Variants in SPMAP1 observed in about 807,000 individuals in gnomAD.
SPMAP1 encodes sperm microtubule associated protein 1, also known as uncharacterized protein C17orf98.
the SPMAP1 span, among the ~76,000 whole-genome samples, chr17:38,837,690 A>G: frequency 6.6e-6 from 1 of 151,692 alleles, no homozygotes; most frequent in African/African-American, 2.4e-5. Flanking sequence ...AAAAAAAAAA[A>G]AAGAAAAAAA....
the SPMAP1 span, among the ~76,000 whole-genome samples, chr17:38,838,107 T>C: frequency 0.02 from 2,991 of 152,108 alleles, 99 homozygotes; most frequent in African/African-American, 0.068. Flanking sequence ...GGTCTCAAAC[T>C]CTTGAACTCA....
chr17:38,839,976 C>T, the SPMAP1 span, among the ~76,000 whole-genome samples: 6 of 152,258 alleles, frequency 3.9e-5, no homozygotes, highest in East Asian at 1.2e-3. Flanking sequence ...TTCCCCACAC[C>T]GCTTATACGT....
At chr17:38,839,136 T>C in the SPMAP1 span, among the ~76,000 whole-genome samples, 21 of 147,270 alleles carry the variant, frequency 1.4e-4, no homozygotes, top group African/African-American at 5.0e-4. Flanking sequence ...TCAAAATATG[T>C]ATACCCTATC....
the SPMAP1 span, chr17:38,835,102 T>C: frequency 2.8e-6 from 4 of 1,435,762 alleles, no homozygotes; most frequent in Non-Finnish European, 3.9e-6. Context: ...CACAAATTAA[T>C]TTTTTTAACG....
the SPMAP1 span, chr17:38,837,343 G>A: frequency 1.3e-6 from 1 of 792,286 alleles, no homozygotes; most frequent in Non-Finnish European, 2.3e-6. Context: ...ATAGGGAAGA[G>A]GTCAGAGCCT....
the SPMAP1 span, chr17:38,835,103 T>C: frequency 6.9e-7 from 1 of 1,448,190 alleles, no homozygotes; most frequent in Non-Finnish European, 9.6e-7. Context: ...ACAAATTAAT[T>C]TTTTTAACGT....
chr17:38,841,124 G>A, the SPMAP1 span: 2 of 1,339,980 alleles, frequency 1.5e-6, no homozygotes, highest in Non-Finnish European at 1.0e-6. Context: ...TCTTTGTGGT[G>A]AGAACGCTGG....
chr17:38,840,461 C>T, the SPMAP1 span, among the ~76,000 whole-genome samples: 2 of 151,896 alleles, frequency 1.3e-5, no homozygotes, highest in Admixed American at 1.3e-4. Flanking sequence ...GCTGGAAGGC[C>T]ATTCTGTGAG....
At chr17:38,838,566 C>T in the SPMAP1 span, among the ~76,000 whole-genome samples, 3 of 151,994 alleles carry the variant, frequency 2.0e-5, 1 homozygote, top group Admixed American at 1.3e-4. Context: ...TGCCACTGCA[C>T]TCCAGCCTGG....
the SPMAP1 span, chr17:38,835,289 A>G: frequency 6.2e-7 from 1 of 1,614,066 alleles, no homozygotes; most frequent in Non-Finnish European, 8.5e-7. Context: ...GAACCCATCG[A>G]TCGGTTTCAG....
the SPMAP1 span, among the ~76,000 whole-genome samples, chr17:38,838,714 G>GGCTGCAGTGAGCTGTGCC: frequency 6.6e-6 from 1 of 152,192 alleles, no homozygotes; most frequent in East Asian, 1.9e-4. Context: ...AGCAGTTCAA[G>GGCTGCAGTGAGCTGTGCC]GCTGCAGTGA....
chr17:38,837,169 G>A, the SPMAP1 span: 5 of 1,613,520 alleles, frequency 3.1e-6, no homozygotes, highest in Non-Finnish European at 4.2e-6. Flanking sequence ...TCCTGTTGAG[G>A]TATCTTTGTC....
At chr17:38,835,163 G>C in the SPMAP1 span, 1 of 1,608,062 alleles carries the variant, frequency 6.2e-7, no homozygotes, top group Non-Finnish European at 8.5e-7. Context: ...AATTCAGGTC[G>C]ATGGCTATGA....
chr17:38,841,075 AAAAG>A, the SPMAP1 span: 1 of 687,280 alleles, frequency 1.5e-6, no homozygotes, highest in Non-Finnish European at 2.4e-6. Flanking sequence ...TTTAAAAAAG[AAAAG>A]AAAGTAAACC....
At chr17:38,839,103 A>G in the SPMAP1 span, among the ~76,000 whole-genome samples, 1 of 150,840 alleles carries the variant, frequency 6.6e-6, no homozygotes, top group Non-Finnish European at 1.5e-5. Context: ...AAAAAAAAAA[A>G]AAAGGAAAGA....
the SPMAP1 span, among the ~76,000 whole-genome samples, chr17:38,836,923 T>C: frequency 6.6e-6 from 1 of 150,562 alleles, no homozygotes; most frequent in African/African-American, 2.4e-5. Flanking sequence ...CATTCCAGTT[T>C]GGGTGATAGA....
At chr17:38,841,114 T>C in the SPMAP1 span, 3 of 1,218,132 alleles carry the variant, frequency 2.5e-6, no homozygotes, top group Non-Finnish European at 3.5e-6. Context: ...GGCGGAGCCT[T>C]CTTTGTGGTG....
At chr17:38,841,415 C>T in the SPMAP1 span, 4 of 1,609,802 alleles carry the variant, frequency 2.5e-6, no homozygotes, top group South Asian at 2.2e-5. Flanking sequence ...CTCGGAGGGC[C>T]TTTCTGGTGG....
At chr17:38,839,810 T>TA in the SPMAP1 span, among the ~76,000 whole-genome samples, 6 of 149,416 alleles carry the variant, frequency 4.0e-5, no homozygotes, top group South Asian at 4.2e-4. Flanking sequence ...AAAAAAAAAT[T>TA]AAAAAAAAAA....
Sources: allele counts gnomAD v4.1 joint callset (sites outside exome capture counted in the v4.1 genomes callset), GRCh38; gene constraint gnomAD v4.1.1; transcripts MANE v1.5; gene names NCBI Gene and HGNC (gene_info 2026-07-23, HGNC 2026-07-21).